The following TMEM272 variants were observed in gnomAD, a reference collection of about 807,000 sequenced individuals.
TMEM272 encodes the protein long intergenic non-protein coding RNA 282.
In TMEM272, 8 loss-of-function variants were observed where a neutral mutation model predicts 3.7. That is an observed-to-expected ratio of 2.17 (90% CI 1.27 to 3.91). The LOEUF is 3.91. Ranked by LOEUF, TMEM272 falls within the 30% of genes most tolerant of loss-of-function variation. TMEM272 has a pLI of 0.00. For missense variants in TMEM272, 166 were observed against 91.5 expected, an observed-to-expected ratio of 1.81 and a Z score of -3.32; for synonymous variants, 63 against 39.8, an observed-to-expected ratio of 1.58 and a Z score of -2.20.
At chr13:51,908,787 G>A in the TMEM272 span, 2 of 1,441,322 alleles carry the variant, frequency 1.4e-6, no homozygotes, top group Non-Finnish European at 2.0e-6. Flanking sequence ...AGCTGAATCA[G>A]GATATGATTG....
chr13:51,855,516 A>C, the TMEM272 span, among the ~76,000 whole-genome samples: 2 of 152,208 alleles, frequency 1.3e-5, no homozygotes, highest in African/African-American at 4.8e-5. Context: ...ATAATAAGAC[A>C]CAGACTTTAA....
At chr13:51,891,225 T>A in the TMEM272 span, among the ~76,000 whole-genome samples, 2 of 152,228 alleles carry the variant, frequency 1.3e-5, no homozygotes, top group Non-Finnish European at 2.9e-5. Context: ...TTCTTGGAAA[T>A]TTCTGCCTAG....
the TMEM272 span, among the ~76,000 whole-genome samples, chr13:51,887,730 G>A: frequency 1.9e-4 from 29 of 152,118 alleles, no homozygotes; most frequent in African/African-American, 6.5e-4. Flanking sequence ...GAGCCTTCTG[G>A]CACAGTAAAT....
the TMEM272 span, among the ~76,000 whole-genome samples, chr13:51,915,292 C>T: frequency 1.3e-5 from 2 of 152,134 alleles, no homozygotes; most frequent in African/African-American, 4.8e-5. Context: ...TGCCACTTCA[C>T]GCATAGACAT....
At chr13:51,830,085 C>A (rs1956160518) in intron 2 of TMEM272, among the ~76,000 whole-genome samples, 1 of 152,220 alleles carries the variant, frequency 6.6e-6, no homozygotes, top group Non-Finnish European at 1.5e-5. Context: ...TCTGCAATTA[C>A]CTCTCTTTGT....
chr13:51,906,221 T>C, the TMEM272 span, among the ~76,000 whole-genome samples: 1 of 152,190 alleles, frequency 6.6e-6, no homozygotes, highest in African/African-American at 2.4e-5. Context: ...CTGAGGCATC[T>C]AATTCAAAGG....
At chr13:51,865,792 G>A in the TMEM272 span, 3 of 1,614,124 alleles carry the variant, frequency 1.9e-6, no homozygotes, top group Non-Finnish European at 2.5e-6. Flanking sequence ...TCTGGAAAGA[G>A]GACAATGCCT....
chr13:51,892,694 T>A, the TMEM272 span, among the ~76,000 whole-genome samples: 5 of 152,144 alleles, frequency 3.3e-5, no homozygotes, highest in Non-Finnish European at 7.4e-5. Flanking sequence ...CCATTCCCCA[T>A]GATGGCCTTT....
At chr13:51,880,156 G>A in the TMEM272 span, among the ~76,000 whole-genome samples, 3 of 152,038 alleles carry the variant, frequency 2.0e-5, no homozygotes, top group Admixed American at 6.5e-5. Context: ...AATAGAACAT[G>A]CATGGGTAAC....
the TMEM272 span, among the ~76,000 whole-genome samples, chr13:51,918,817 T>C: frequency 6.8e-6 from 1 of 146,792 alleles, no homozygotes; most frequent in Non-Finnish European, 1.5e-5. Flanking sequence ...TTTTTTTTTT[T>C]TTTTTTTTTT....
chr13:51,879,854 A>G, the TMEM272 span, among the ~76,000 whole-genome samples: 1 of 152,324 alleles, frequency 6.6e-6, no homozygotes, highest in Non-Finnish European at 1.5e-5. Context: ...AGGAATGTGG[A>G]GAAAGGTCAT....
At chr13:51,896,356 G>T in the TMEM272 span, among the ~76,000 whole-genome samples, 1 of 152,214 alleles carries the variant, frequency 6.6e-6, no homozygotes, top group Non-Finnish European at 1.5e-5. Flanking sequence ...ACACGTGTGT[G>T]TAACACAAAT....
the TMEM272 span, chr13:51,909,786 G>A: frequency 6.3e-7 from 1 of 1,583,162 alleles, no homozygotes; most frequent in Non-Finnish European, 8.7e-7. Flanking sequence ...TTCCAGCACA[G>A]CAGCCTGATC....
At chr13:51,873,681 G>A in the TMEM272 span, among the ~76,000 whole-genome samples, 1 of 152,124 alleles carries the variant, frequency 6.6e-6, no homozygotes, top group Non-Finnish European at 1.5e-5. Context: ...TCTTCCCTCA[G>A]CCTTCACCAG....
chr13:51,907,520 G>A, the TMEM272 span, among the ~76,000 whole-genome samples: 32 of 152,248 alleles, frequency 2.1e-4, no homozygotes, highest in South Asian at 6.2e-4. Context: ...CAGACAACTA[G>A]GGACAGCCCC....
chr13:51,913,664 C>T, the TMEM272 span, among the ~76,000 whole-genome samples: 1 of 152,282 alleles, frequency 6.6e-6, no homozygotes, highest in South Asian at 2.1e-4. Flanking sequence ...GCATGTCCTT[C>T]TGGGGGATGC....
At chr13:51,874,952 T>C in the TMEM272 span, among the ~76,000 whole-genome samples, 2 of 152,204 alleles carry the variant, frequency 1.3e-5, no homozygotes, top group Non-Finnish European at 2.9e-5. Flanking sequence ...CACTGCACAC[T>C]GAGCTGCACA....
At chr13:51,917,139 A>G in the TMEM272 span, among the ~76,000 whole-genome samples, 1 of 152,194 alleles carries the variant, frequency 6.6e-6, no homozygotes, top group Non-Finnish European at 1.5e-5. Flanking sequence ...CTAGTCCCAC[A>G]CTGCACCTGC....
At chr13:51,915,053 C>T in the TMEM272 span, among the ~76,000 whole-genome samples, 164 of 152,206 alleles carry the variant, frequency 1.1e-3, 2 homozygotes, top group East Asian at 0.028. Flanking sequence ...TACTTCACGG[C>T]AAATTACAAA....
Sources: gnomAD v4.1 joint callset for allele counts (sites outside exome capture counted in the v4.1 genomes callset) on GRCh38, gnomAD v4.1.1 for gene constraint, MANE v1.5 for transcripts, NCBI Gene and HGNC (gene_info 2026-07-23, HGNC 2026-07-21) for gene names.